AGFG2: variants seen among roughly 807,000 people sequenced by gnomAD.
The protein encoded by AGFG2 is arf-GAP domain and FG repeat-containing protein 2.
AGFG2 carries 31 observed loss-of-function variants against 48.0 expected under a neutral mutation model. That is an observed-to-expected ratio of 0.65 (90% CI 0.49 to 0.87). The LOEUF is 0.87. AGFG2 is among the 40% of genes least tolerant of loss of function. AGFG2 has a pLI of 0.00. For synonymous variants in AGFG2, 229 were observed against 260.8 expected (o/e 0.88, Z 1.18); for missense variants, 599 against 632.6 (o/e 0.95, Z 0.57).
At position 100,562,378 on chromosome 7, in the gene AGFG2, A is replaced by G; in HGVS notation, c.997A>G (p.Ser333Gly). The stretch of plus-strand genomic sequence containing the variant: ...GGTGCCCGCTGCAGGTGTTCCTAGC[A>G]GGTAGGTACAGACAGTGGGCAGTCT... ...PGVPAAGVPS[S>G]LFGMAGQVPP... The change falls in exon 7 of 12, where the codon AGC (serine) becomes GGC (glycine). Residue 333 changes from serine (S) to glycine (G), a missense_variant and splice_region_variant. By Grantham distance (56) the Ser-to-Gly change is moderately conservative. Transcript: ENST00000300176. This position sits in a 1 kb window ranked among gnomAD's most constrained non-coding sequence, Gnocchi z 5.4. 1 of 1,613,532 alleles carries G rather than the reference A, an allele frequency of 6.2e-7. No individual in the cohort carries two copies. Among genetic ancestry groups the G allele is most frequent in the Non-Finnish European group, 8.5e-7 (1 of 1,179,750 alleles).
intron 10 of AGFG2, 89 bp downstream of exon 10, chr7:100,564,051 A>C: frequency 6.4e-7 from 1 of 1,574,156 alleles, no homozygotes; most frequent in South Asian, 1.1e-5. Flanking sequence ...ATCAGAGCCC[A>C]TGCAGTGCCC....
At position 100,548,923 on chromosome 7, in the gene AGFG2, G is replaced by C. The variant is rs1270797808; in HGVS notation, c.315+8G>C. On this transcript the variant is annotated splice_region_variant and intron_variant, in intron 2 of 11. Coordinates refer to ENST00000300176, the MANE Select transcript of AGFG2 (RefSeq NM_006076.5). ...CAATCCCGTGGAAATGAGGTGAGCTGCCACCGATGGAGTGGTGAGAAGGTC... is the reference window on the plus strand; with the variant it reads ...CAATCCCGTGGAAATGAGGTGAGCTCCCACCGATGGAGTGGTGAGAAGGTC... 3 of 1,609,874 alleles carry C rather than the reference G, an allele frequency of 1.9e-6. No individual in the cohort carries two copies. Among genetic ancestry groups the C allele is most frequent in the Non-Finnish European group, 2.5e-6 (3 of 1,176,658 alleles).
At chr7:100,557,170 C>T (rs905592995) in intron 6 of AGFG2, among the ~76,000 whole-genome samples, 1 of 151,616 alleles carries the variant, frequency 6.6e-6, no homozygotes, top group African/African-American at 2.4e-5. Context: ...TGCACTCCAG[C>T]CTGAGTGACA....
intron 1 of AGFG2, among the ~76,000 whole-genome samples, chr7:100,543,240 T>C (rs937717887): frequency 6.6e-6 from 1 of 152,104 alleles, no homozygotes; most frequent in Non-Finnish European, 1.5e-5. Context: ...AATTTTTGTA[T>C]TTTTAGTAGA....
At position 100,566,732 on chromosome 7, in the gene AGFG2, TCTCCTGGGTGGTCTCCCGCTTCG is replaced by T. The variant is rs1392791248; in HGVS notation, c.*1749_*1771del. The T allele has an allele frequency of 6.6e-6, 1 of 152,370 alleles. No individual in the cohort carries two copies. The highest frequency in any genetic ancestry group is 2.4e-5 in the African/African-American group (1 of 41,444). The allele number at this position is 152,370 out of a possible 1,614,324, so 9.4% of individuals were successfully genotyped here. ...TCTCCCAGCCTCTGCCCTCCTTCTGTCTCCTGGGTGGTCTCCCGCTTCGCTCCTGGCCTTTGCATGTTCCATCT... is the reference window on the plus strand; with the variant it reads ...TCTCCCAGCCTCTGCCCTCCTTCTGTCTCCTGGCCTTTGCATGTTCCATCT... On this transcript the variant is annotated 3_prime_UTR_variant, in exon 12 of 12. Transcript: ENST00000300176.
chr7:100,541,086 G>T (rs1800413659), intron 1 of AGFG2, among the ~76,000 whole-genome samples: 1 of 150,778 alleles, frequency 6.6e-6, no homozygotes, highest in Non-Finnish European at 1.5e-5. Flanking sequence ...TATTGTTCTT[G>T]CAAGACAGAT....
chr7:100,563,760 A>G lies in AGFG2; in HGVS notation c.1172-74A>G. The stretch of plus-strand genomic sequence containing the variant: ...ACTATATCCCATTTTCCCATCTTGG[A>G]GGGACTTAGGAAAAACAGTTCTCCA... On this transcript the variant is annotated intron_variant, in intron 9 of 11. Coordinates refer to ENST00000300176, the MANE Select transcript of AGFG2 (RefSeq NM_006076.5). The G allele has an allele frequency of 2.5e-6, 4 of 1,585,886 alleles. No individual in the cohort carries two copies. The Admixed American group carries it at 7.2e-5, about 29-fold the overall frequency.
chr7:100,556,081 G>C (rs945789710), intron 6 of AGFG2: 9 of 230,442 alleles, frequency 3.9e-5, no homozygotes, highest in African/African-American at 2.0e-4. Context: ...TGCATAGTAC[G>C]CTGTCCCAAA....
chr7:100,559,042 G>A (rs1398191210), intron 6 of AGFG2, among the ~76,000 whole-genome samples: 2 of 152,088 alleles, frequency 1.3e-5, no homozygotes, highest in Non-Finnish European at 2.9e-5. Flanking sequence ...GCTGAGGCAG[G>A]AAGATTGCTT....
intron 6 of AGFG2, among the ~76,000 whole-genome samples, chr7:100,557,825 G>C (rs1800786897): frequency 6.6e-6 from 1 of 152,082 alleles, no homozygotes; most frequent in African/African-American, 2.4e-5. Flanking sequence ...GAAAACAGAT[G>C]GAAATTAGTA....
At position 100,548,721 on chromosome 7, in the gene AGFG2, T is replaced by C. The variant is rs945733738; in HGVS notation, c.222-101T>C. On this transcript the variant is annotated intron_variant, in intron 1 of 11. Transcript: ENST00000300176. ...GGGTTCTATCTGAGCTTAGTTTATA[T>C]GCTATTCTTTCACCCTTTCTCCCTC... is the stretch of plus-strand genomic sequence containing the variant. 3 of 820,088 alleles carry C rather than the reference T, an allele frequency of 3.7e-6. No homozygotes were observed. In the African/African-American group the frequency reaches 5.0e-5, roughly 14 times the overall value. 50.8% of individuals were successfully genotyped at this position (820,088 alleles called of 1,614,324 possible). A position where few individuals can be genotyped will look rare whatever the true frequency, so the allele number is the denominator to read the frequency against.
At position 100,567,460 on chromosome 7, in the gene AGFG2, C is replaced by T. The variant is rs1303363279; in HGVS notation, c.*2469C>T. 1 of 152,746 alleles carries T rather than the reference C, an allele frequency of 6.5e-6. No individual in the cohort carries two copies. The highest frequency in any genetic ancestry group is 1.5e-5 in the Non-Finnish European group (1 of 68,132). 9.5% of individuals were successfully genotyped at this position (152,746 alleles called of 1,614,324 possible). On this transcript the variant is annotated 3_prime_UTR_variant, in exon 12 of 12. Coordinates refer to ENST00000300176, the MANE Select transcript of AGFG2 (RefSeq NM_006076.5). ...AGACAGCAGTCCTCTAGCATGGCCC[C>T]AGCATTCAGCCAGTCGGTCACCTGT...
chr7:100,550,305 CAAAAAAAAAAAAAA>C, intron 2 of AGFG2, 77 bp from the exon 3 acceptor site: 2 of 292,310 alleles, frequency 6.8e-6, no homozygotes, highest in South Asian at 2.5e-5. Flanking sequence ...GACTCCGTCT[CAAAAAAAAAAAAAA>C]AAAAAAAAAA....
intron 1 of AGFG2, among the ~76,000 whole-genome samples, chr7:100,542,150 A>G (rs962286202): frequency 2.6e-5 from 4 of 152,012 alleles, no homozygotes; most frequent in African/African-American, 9.7e-5. Context: ...TGAGTAGCTG[A>G]GACTACAGGC....
intron 3 of AGFG2, among the ~76,000 whole-genome samples, chr7:100,551,150 A>G (rs1487564824): frequency 1.4e-5 from 2 of 144,518 alleles, no homozygotes; most frequent in Non-Finnish European, 3.0e-5. Context: ...GCTCACTCCA[A>G]GTTCCACCTC....
intron 1 of AGFG2, 80 bp downstream of exon 1, chr7:100,539,647 C>T: frequency 9.6e-7 from 1 of 1,044,620 alleles, no homozygotes; most frequent in East Asian, 3.9e-5. Flanking sequence ...CTCCGGGGCG[C>T]GAGGGAAGGG....
intron 2 of AGFG2, among the ~76,000 whole-genome samples, chr7:100,549,412 C>A (rs779834973): frequency 1.9e-4 from 29 of 152,194 alleles, no homozygotes; most frequent in Non-Finnish European, 3.5e-4. Context: ...TAGAGGGTAT[C>A]CTCAAGGGCC....
intron 1 of AGFG2, among the ~76,000 whole-genome samples, chr7:100,542,445 A>G (rs1033789259): frequency 6.6e-6 from 1 of 152,200 alleles, no homozygotes; most frequent in African/African-American, 2.4e-5. Context: ...AGGAAATGAG[A>G]GTGAAATGAA....
chr7:100,552,681 G>A (rs187281422), intron 3 of AGFG2, among the ~76,000 whole-genome samples: 28 of 152,286 alleles, frequency 1.8e-4, no homozygotes, highest in African/African-American at 6.3e-4. Flanking sequence ...ATGTCCTCAG[G>A]ATTAAGCTGA....
Sources: gnomAD v4.1 joint callset for allele counts (sites outside exome capture counted in the v4.1 genomes callset) on GRCh38, gnomAD v4.1.1 for gene constraint, Gnocchi (gnomAD v3.1) non-coding constraint, MANE v1.5 for transcripts, NCBI Gene and HGNC (gene_info 2026-07-23, HGNC 2026-07-21) for gene names.